LPA: variants seen among roughly 807,000 people sequenced by gnomAD.
The protein encoded by LPA is apolipoprotein(a).
Under a neutral mutation model 197.9 loss-of-function variants are expected in LPA, and 199 were observed. That is an observed-to-expected ratio of 1.01 (90% CI 0.90 to 1.13). LPA has a LOEUF of 1.13. LPA is among the 50% of genes most tolerant of loss of function. The pLI is 0.00. For missense variants in LPA, 1,853 were observed against 1,785.8 expected, an observed-to-expected ratio of 1.04 and a Z score of -0.68; for synonymous variants, 715 against 639.5, an observed-to-expected ratio of 1.12 and a Z score of -1.78.
rs562617320 is a variant in LPA at position 160,576,702 on chromosome 6, A to G, written c.4631+434T>C. 2.0e-3 allele frequency among the ~76,000 whole-genome samples: 293 copies of G among 144,572 alleles called. 4 individuals are homozygous for G. Among genetic ancestry groups the G allele is most frequent in the African/African-American group, 6.9e-3 (276 of 39,766 alleles). The allele number at this position is 144,572 out of a possible 152,430, so 94.8% of individuals were successfully genotyped here. ...TGTGTGTGTGTGTGTATATATATAT[A>G]TATATATATATATATACACATCTTA... is the stretch of plus-strand genomic sequence containing the variant. On this transcript the variant is annotated intron_variant, in intron 28 of 38. Transcript: ENST00000316300.
intron 30 of LPA, among the ~76,000 whole-genome samples, chr6:160,549,056 C>A (rs1439871842): frequency 6.6e-6 from 1 of 152,076 alleles, no homozygotes; most frequent in African/African-American, 2.4e-5. Context: ...TCTTCACAGG[C>A]GGCAGGACAG....
intron 31 of LPA, 24 bp downstream of exon 31, chr6:160,548,454 C>T (rs1562317368): frequency 1.2e-6 from 2 of 1,612,336 alleles, no homozygotes; most frequent in East Asian, 2.2e-5. Context: ...ATGTGCTAGA[C>T]AAGGTAAGAC....
At chr6:160,554,981 A>G (rs1320779733) in intron 30 of LPA, among the ~76,000 whole-genome samples, 13 of 152,032 alleles carry the variant, frequency 8.6e-5, no homozygotes, top group Admixed American at 7.9e-4. Flanking sequence ...TTTCTAAATT[A>G]TCTCAGTCCT....
At chr6:160,650,149 A>T (rs1415622188) in intron 2 of LPA, among the ~76,000 whole-genome samples, 189 bp downstream of exon 2, 1 of 152,200 alleles carries the variant, frequency 6.6e-6, no homozygotes, top group Non-Finnish European at 1.5e-5. Flanking sequence ...TCAAACTCTC[A>T]GGAAAGAGAG....
intron 1 of LPA, among the ~76,000 whole-genome samples, chr6:160,652,255 A>G (rs1177534046): frequency 6.6e-6 from 1 of 152,134 alleles, no homozygotes; most frequent in African/African-American, 2.4e-5. Context: ...TAATAAACAA[A>G]TTATAGTCAA....
At position 160,557,503 on chromosome 6, in the gene LPA, G is replaced by A. The variant is rs1230957395; in HGVS notation, c.4700C>T (p.Pro1567Leu). 6.2e-6 allele frequency: 10 copies of A among 1,613,878 alleles called. No homozygotes were observed. In the East Asian group the frequency reaches 1.6e-4, roughly 25 times the overall value. ...GKQPWCYTTDPCVRWEYCNLT... is the reference protein window; with the variant it reads ...GKQPWCYTTDLCVRWEYCNLT... ...ATTGCAGTACTCCCACCTCACACAC[G>A]GATCGGTTGTGTAACACCAGGGTTG... Residue 1567 changes from proline to leucine, a missense_variant, in exon 29 of 39, where the codon CCG becomes CTG. Pro to Leu is a moderately conservative substitution (Grantham distance 98). Coordinates refer to ENST00000316300, the MANE Select transcript of LPA (RefSeq NM_005577.4).
At chr6:160,540,821 G>GAAC (rs1267245207) in intron 35 of LPA, among the ~76,000 whole-genome samples, 1 of 152,180 alleles carries the variant, frequency 6.6e-6, no homozygotes, top group East Asian at 1.9e-4. Context: ...CTCTGGTAGT[G>GAAC]AACAGCTCTG....
At chr6:160,592,423 A>G (rs1779047689) in intron 22 of LPA, among the ~76,000 whole-genome samples, 1 of 152,094 alleles carries the variant, frequency 6.6e-6, no homozygotes, top group South Asian at 2.1e-4. Flanking sequence ...GATATTATGC[A>G]TTCATTTCTC....
At chr6:160,569,037 T>C (rs956991741) in intron 28 of LPA, among the ~76,000 whole-genome samples, 1 of 152,284 alleles carries the variant, frequency 6.6e-6, no homozygotes, top group Admixed American at 6.5e-5. Context: ...GAATCAATAT[T>C]GTGAAAATGG....
At chr6:160,643,083 A>AGTGT (rs767484310) in intron 4 of LPA, among the ~76,000 whole-genome samples, 558 of 130,036 alleles carry the variant, frequency 4.3e-3, no homozygotes, top group South Asian at 0.019. Context: ...GTGTGTTTTC[A>AGTGT]GTGTGTGTGT....
chr6:160,661,789 C>T lies in LPA; in HGVS notation c.49+2377G>A, dbSNP rs1780231493. Among the ~76,000 whole-genome samples, 3 of 152,204 alleles carry T rather than the reference C, an allele frequency of 2.0e-5. No homozygotes were observed. The South Asian group carries it at 6.2e-4, about 31-fold the overall frequency. On this transcript the variant is annotated intron_variant, in intron 1 of 38. Transcript: ENST00000316300. The stretch of plus-strand genomic sequence containing the variant: ...CCCCGCACTGTTTCTCATTTGAACT[C>T]TCTTTTCCAGGAAGAGTTGTGCTTG...
rs577862043 is a variant in LPA, at chr6:160,605,079, G to A, written c.2912C>T (p.Ser971Leu). ...CQAWSSMTPH[S>L]HSRTPAYYPN... Reference sequence around the variant, plus strand: ...GTAGTATGCTGGGGTCCGACTATGCGAGTGTGGTGTCATAGATGACCAAGC... The same window carrying A: ...GTAGTATGCTGGGGTCCGACTATGCAAGTGTGGTGTCATAGATGACCAAGC... The change falls in exon 18 of 39, where the codon TCG becomes TTG. Residue 971 changes from serine to leucine, a missense_variant. By Grantham distance (145) the Ser-to-Leu change is moderately radical (BLOSUM62 -2). Transcript: ENST00000316300. 4.3e-6 allele frequency: 7 copies of A among 1,613,850 alleles called. No individual in the cohort carries two copies. The highest frequency in any genetic ancestry group is 1.3e-5 in the African/African-American group (1 of 75,006).
Position 160,599,606 on chromosome 6 carries a change from T to A in LPA, c.3181A>T (p.Ser1061Cys). The A allele has an allele frequency of 1.2e-6, 2 of 1,614,154 alleles. No homozygotes were observed. Among genetic ancestry groups the A allele is most frequent in the Middle Eastern group, 3.3e-4 (2 of 6,060 alleles). The change falls in exon 20 of 39, where the codon AGT becomes TGT. Residue 1061 changes from serine to cysteine, a missense_variant. Physicochemically the swap from Ser to Cys is moderately radical, Grantham distance 112. This residue lies in a region of LPA where 1,737 missense variants were observed against 1,504.4 expected (regional missense o/e 1.15). Coordinates refer to ENST00000316300, the MANE Select transcript of LPA (RefSeq NM_005577.4). The part of the protein sequence containing the change: ...VQDCYYHYGQ[S>C]YRGTYSTTVT... Reference sequence around the variant, plus strand: ...GTGGTGGAGTATGTGCCTCGGTAACTCTGTCCATAATGGTAGTAGCAGTCC... The same window carrying A: ...GTGGTGGAGTATGTGCCTCGGTAACACTGTCCATAATGGTAGTAGCAGTCC...
chr6:160,650,389 G>T lies in LPA; in HGVS notation c.158C>A (p.Ser53Ter). The stretch of plus-strand genomic sequence containing the variant: ...ATTATGTTGATGTGGTGTCATAGAT[G>T]ACCAAGCTTGGCAGGTCCTTCCTGT... ...TVTGRTCQAWSSMTPHQHNRT... is the reference protein window; with the variant it reads ...TVTGRTCQAW The change falls in exon 2 of 39, where the codon TCA (serine) becomes TAA (stop). Residue 53 changes from serine (S) to a stop codon, truncating the protein, a stop_gained. Coordinates refer to ENST00000316300, the MANE Select transcript of LPA (RefSeq NM_005577.4). LOFTEE classifies it high-confidence loss of function. 1 of 1,613,932 alleles carries T rather than the reference G, an allele frequency of 6.2e-7. No homozygotes were observed. The highest frequency in any genetic ancestry group is 8.5e-7 in the Non-Finnish European group (1 of 1,179,832).
intron 1 of LPA, among the ~76,000 whole-genome samples, chr6:160,662,983 C>G (rs1229950048): frequency 6.6e-6 from 1 of 152,196 alleles, no homozygotes; most frequent in African/African-American, 2.4e-5. Context: ...CAAGGGACAA[C>G]ACCCTGCTCA....
intron 16 of LPA, among the ~76,000 whole-genome samples, chr6:160,607,335 C>A (rs1349926545): frequency 6.6e-6 from 1 of 152,146 alleles, no homozygotes; most frequent in Non-Finnish European, 1.5e-5. Flanking sequence ...AGGCAGAATG[C>A]AGCATCTCTA....
At chr6:160,541,891 AG>A (rs1777986935) in intron 34 of LPA, among the ~76,000 whole-genome samples, 1 of 152,252 alleles carries the variant, frequency 6.6e-6, no homozygotes, top group African/African-American at 2.4e-5. Flanking sequence ...GATAAAGTAA[AG>A]AAAAATCAAC....
intron 18 of LPA, among the ~76,000 whole-genome samples, chr6:160,603,724 TG>T (rs1341188199): frequency 6.6e-6 from 1 of 152,234 alleles, no homozygotes; most frequent in East Asian, 1.9e-4. Flanking sequence ...CACTTGACTT[TG>T]TTGTTTACCT....
intron 21 of LPA, among the ~76,000 whole-genome samples, chr6:160,594,863 G>A (rs1468421237): frequency 2.6e-5 from 4 of 152,306 alleles, no homozygotes; most frequent in South Asian, 4.1e-4. Flanking sequence ...TGTTGGCTAT[G>A]TACTGCTACC....
Sources: gnomAD v4.1 joint callset for allele counts (sites outside exome capture counted in the v4.1 genomes callset) on GRCh38, gnomAD v4.1.1 for gene constraint, gnomAD v4.1.1 regional missense constraint, MANE v1.5 for transcripts, NCBI Gene and HGNC (gene_info 2026-07-23, HGNC 2026-07-21) for gene names.